Variants in TRERF1 observed in about 807,000 individuals in gnomAD.
The protein encoded by TRERF1 is transcriptional-regulating factor 1.
TRERF1 carries 27 observed loss-of-function variants against 122.9 expected under a neutral mutation model. The ratio of observed to expected loss-of-function variants is 0.22; its 90% CI spans 0.16 to 0.30. TRERF1 has a LOEUF of 0.30. Among genes scored for constraint, TRERF1 ranks in the 10% least tolerant of loss-of-function variants. TRERF1 has a pLI of 1.00. For missense variants in TRERF1, 1,248 were observed against 1,560.3 expected, an observed-to-expected ratio of 0.80 and a Z score of 3.37; for synonymous variants, 636 against 641.7, an observed-to-expected ratio of 0.99 and a Z score of 0.13.
At chr6:42,333,333 C>T (rs1018421207) in intron 3 of TRERF1, among the ~76,000 whole-genome samples, 1 of 152,196 alleles carries the variant, frequency 6.6e-6, no homozygotes, top group Non-Finnish European at 1.5e-5. Context: ...CACAACTGTT[C>T]TCAATGCTTA....
chr6:42,297,630 G>C (rs950934525), intron 4 of TRERF1, among the ~76,000 whole-genome samples: 1 of 152,330 alleles, frequency 6.6e-6, no homozygotes, highest in South Asian at 2.1e-4. Flanking sequence ...TGTAACCATA[G>C]CTGGACTTCA....
At chr6:42,380,860 C>T (rs928644480) in intron 2 of TRERF1, among the ~76,000 whole-genome samples, 2 of 152,224 alleles carry the variant, frequency 1.3e-5, no homozygotes, top group Non-Finnish European at 2.9e-5. Context: ...ACCACTACAT[C>T]TCTTCTGCCC....
At position 42,232,592 on chromosome 6, in the gene TRERF1, T is replaced by G. The variant is rs1032423382; in HGVS notation, c.3278+89A>C. 2.0e-5 allele frequency: 29 copies of G among 1,440,370 alleles called. No homozygotes were observed. The highest frequency in any genetic ancestry group is 2.5e-5 in the Non-Finnish European group (27 of 1,088,100). 89.2% of individuals were successfully genotyped at this position (1,440,370 alleles called of 1,614,324 possible). On this transcript the variant is annotated intron_variant, in intron 17 of 17. Coordinates refer to ENST00000372922, the Ensembl canonical transcript of TRERF1. This position sits in a 1 kb window ranked among gnomAD's most constrained non-coding sequence, Gnocchi z 4.5. ...TGAGGTCTAAGTTCTTTTTTCTGAT[T>G]GAAGAAACCTCAGGCCATCCTGGCC... is the stretch of plus-strand genomic sequence containing the variant.
chr6:42,306,153 C>T (rs1787204659), intron 3 of TRERF1, among the ~76,000 whole-genome samples: 1 of 151,958 alleles, frequency 6.6e-6, no homozygotes, highest in Non-Finnish European at 1.5e-5. Flanking sequence ...AGGCATGCGC[C>T]ACCATGCCCA....
At chr6:42,425,776 C>T (rs1327712484) in intron 2 of TRERF1, among the ~76,000 whole-genome samples, 1 of 151,798 alleles carries the variant, frequency 6.6e-6, no homozygotes, top group Non-Finnish European at 1.5e-5. Flanking sequence ...AACTCCTGAC[C>T]TCGTGATCCG....
chr6:42,418,561 G>A (rs556514522), intron 2 of TRERF1, among the ~76,000 whole-genome samples: 8 of 152,048 alleles, frequency 5.3e-5, no homozygotes, highest in African/African-American at 9.7e-5. Flanking sequence ...GTGAGCCACC[G>A]TGCCTGGCCC....
intron 14 of TRERF1, among the ~76,000 whole-genome samples, chr6:42,243,951 T>TCA (rs1365136562): frequency 6.7e-6 from 1 of 149,906 alleles, no homozygotes; most frequent in Non-Finnish European, 1.5e-5. Flanking sequence ...CCATCTTGGC[T>TCA]CACTGCAACC....
intron 2 of TRERF1, among the ~76,000 whole-genome samples, chr6:42,387,606 G>A (rs776451583): frequency 2.0e-5 from 3 of 152,204 alleles, no homozygotes; most frequent in Admixed American, 6.5e-5. Flanking sequence ...CACTCGCTCT[G>A]TTCATGGGTG....
intron 15 of TRERF1, among the ~76,000 whole-genome samples, chr6:42,242,054 C>T (rs758567856): frequency 3.9e-5 from 6 of 152,224 alleles, no homozygotes; most frequent in Non-Finnish European, 7.4e-5. Context: ...ATGATCATGC[C>T]GCTGCATTCT....
intron 3 of TRERF1, among the ~76,000 whole-genome samples, chr6:42,345,963 T>C (rs1302238384): frequency 6.6e-6 from 1 of 152,168 alleles, no homozygotes; most frequent in Non-Finnish European, 1.5e-5. Context: ...GCAGGTGCTA[T>C]GAGGTGGAAA....
chr6:42,429,174 A>G (rs1315681726), intron 2 of TRERF1, among the ~76,000 whole-genome samples: 1 of 152,232 alleles, frequency 6.6e-6, no homozygotes, highest in Non-Finnish European at 1.5e-5. Context: ...GTATTCCTCC[A>G]GCTGAGCCAT....
At chr6:42,294,044 C>A (rs1784703597) in intron 4 of TRERF1, among the ~76,000 whole-genome samples, 1 of 152,118 alleles carries the variant, frequency 6.6e-6, no homozygotes, top group Non-Finnish European at 1.5e-5. Flanking sequence ...AGGATCTGAG[C>A]CCTTTGGGGA....
chr6:42,334,669 AT>A (rs1264502071), intron 3 of TRERF1, among the ~76,000 whole-genome samples: 2 of 152,212 alleles, frequency 1.3e-5, no homozygotes. Context: ...GGCTCTGCTT[AT>A]GGCCCCAACT....
intron 3 of TRERF1, among the ~76,000 whole-genome samples, chr6:42,331,553 A>G (rs1765241818): frequency 1.3e-5 from 2 of 152,210 alleles, no homozygotes; most frequent in Non-Finnish European, 2.9e-5. Flanking sequence ...CGCCCACCGG[A>G]TAACCACTAA....
At chr6:42,267,177 A>G (rs1261372428) in intron 5 of TRERF1, among the ~76,000 whole-genome samples, 1 of 149,082 alleles carries the variant, frequency 6.7e-6, no homozygotes, top group Admixed American at 6.6e-5. Flanking sequence ...AAACCAAACC[A>G]AAGAAAGTGC....
chr6:42,232,720 G>C lies in TRERF1; in HGVS notation c.3239C>G (p.Thr1080Arg). The change falls in exon 17 of 18, where the codon ACA (threonine) becomes AGA (arginine). Residue 1080 changes from threonine to arginine, a missense_variant. By Grantham distance (71) the Thr-to-Arg change is moderately conservative. This residue lies in a region of TRERF1 where 159 missense variants were observed against 221.7 expected (regional missense o/e 0.72). Transcript: ENST00000372922. The surrounding 1 kb of genome is among the most constrained non-coding windows in gnomAD (Gnocchi z 4.5). ...GCAGGGGAAGATGGTGGTGGGGTCT[G>C]TCTCGCCGCTGGTGGTGCTGTGAGA... 1 of 1,608,448 alleles carries C rather than the reference G, an allele frequency of 6.2e-7. No individual in the cohort carries two copies. Among genetic ancestry groups the C allele is most frequent in the Non-Finnish European group, 8.5e-7 (1 of 1,175,350 alleles).
intron 3 of TRERF1, among the ~76,000 whole-genome samples, chr6:42,361,017 A>G (rs1205725948): frequency 6.6e-6 from 1 of 152,084 alleles, no homozygotes; most frequent in Non-Finnish European, 1.5e-5. Flanking sequence ...TATGGCCTGA[A>G]TGTTTTGTGT....
rs1251177519 is a variant in TRERF1 at position 42,228,535 on chromosome 6, G to A, written c.3413C>T (p.Pro1138Leu). 6.2e-7 allele frequency: 1 copy of A among 1,614,158 alleles called. No homozygotes were observed. Among genetic ancestry groups the A allele is most frequent in the Non-Finnish European group, 8.5e-7 (1 of 1,180,032 alleles). The change falls in exon 18 of 18, where the codon CCC (proline) becomes CTC (leucine). Residue 1138 changes from proline (P) to leucine (L), a missense_variant. Around this residue, in one of 5 missense-constraint regions of TRERF1, gnomAD observed 84 missense variants for 116.0 expected, o/e 0.72. Coordinates refer to ENST00000372922, the Ensembl canonical transcript of TRERF1. This position sits in a 1 kb window ranked among gnomAD's most constrained non-coding sequence, Gnocchi z 4.2. Reference sequence around the variant, plus strand: ...GGGCAGCAGCCCCGGCGCCCCCACGGGCCCCGTAGTCCTCTCAATCGTGGC... The same window carrying A: ...GGGCAGCAGCCCCGGCGCCCCCACGAGCCCCGTAGTCCTCTCAATCGTGGC...
chr6:42,254,299 T>G (rs1776332441), intron 13 of TRERF1, among the ~76,000 whole-genome samples: 1 of 152,192 alleles, frequency 6.6e-6, no homozygotes, highest in South Asian at 2.1e-4. Flanking sequence ...TGCATCTCAG[T>G]GTTTAGCAAG....
Sources: gnomAD v4.1 joint callset for allele counts (sites outside exome capture counted in the v4.1 genomes callset) on GRCh38, gnomAD v4.1.1 for gene constraint, gnomAD v4.1.1 regional missense constraint, Gnocchi (gnomAD v3.1) non-coding constraint, MANE v1.5 for transcripts, NCBI Gene and HGNC (gene_info 2026-07-23, HGNC 2026-07-21) for gene names.